Variants in GLCCI1 observed in about 807,000 individuals in gnomAD.
GLCCI1 encodes glucocorticoid induced 1.
Under a neutral mutation model 52.2 loss-of-function variants are expected in GLCCI1, and 24 were observed. The ratio of observed to expected loss-of-function variants is 0.46; its 90% CI spans 0.33 to 0.65. GLCCI1 has a LOEUF of 0.65. Among genes scored for constraint, GLCCI1 ranks in the 30% least tolerant of loss-of-function variants. The probability of loss-of-function intolerance (pLI) is 0.02; values close to 1 mark genes in which losing one functional copy is unlikely to be tolerated. For missense variants in GLCCI1, 704 were observed against 701.5 expected (o/e 1.00, Z -0.04); for synonymous variants, 310 against 276.5 (o/e 1.12, Z -1.20).
chr7:7,971,199 G>A (rs1220485460), intron 1 of GLCCI1, among the ~76,000 whole-genome samples: 1 of 152,096 alleles, frequency 6.6e-6, no homozygotes, highest in Non-Finnish European at 1.5e-5. Context: ...CCTCCCCCAG[G>A]TCAAGCCAGC....
intron 2 of GLCCI1, among the ~76,000 whole-genome samples, chr7:8,009,326 C>G (rs1044639411): frequency 1.3e-5 from 2 of 151,756 alleles, no homozygotes; most frequent in African/African-American, 4.9e-5. Context: ...GGTGTAGTCT[C>G]TGGACAAATT....
intron 1 of GLCCI1, chr7:7,980,512 CT>C: frequency 7.5e-6 from 3 of 397,384 alleles, no homozygotes; most frequent in Middle Eastern, 3.4e-4. Flanking sequence ...CAGTTATTGC[CT>C]TATTCACAGT....
intron 2 of GLCCI1, among the ~76,000 whole-genome samples, chr7:8,016,301 C>T (rs904795810): frequency 6.6e-6 from 1 of 152,110 alleles, no homozygotes; most frequent in South Asian, 2.1e-4. Flanking sequence ...AACCCCGTCT[C>T]TACTAAAAAT....
intron 6 of GLCCI1, among the ~76,000 whole-genome samples, chr7:8,080,706 T>G (rs575090894): frequency 1.3e-5 from 2 of 152,142 alleles, no homozygotes; most frequent in East Asian, 1.9e-4. Context: ...AGGCACTTAA[T>G]TTTTGAATGG....
At chr7:8,035,665 G>C (rs1364780146) in intron 3 of GLCCI1, among the ~76,000 whole-genome samples, 1 of 152,204 alleles carries the variant, frequency 6.6e-6, no homozygotes, top group Non-Finnish European at 1.5e-5. Context: ...TAGTTTGGCA[G>C]TAAGCTGTGA....
intron 5 of GLCCI1, among the ~76,000 whole-genome samples, chr7:8,067,326 A>G (rs1402175016): frequency 6.6e-6 from 1 of 152,070 alleles, no homozygotes; most frequent in East Asian, 1.9e-4. Context: ...TTGCTTCTTT[A>G]TGCAGCTTGC....
At chr7:8,082,128 A>C (rs555218933) in intron 6 of GLCCI1, among the ~76,000 whole-genome samples, 1 of 152,328 alleles carries the variant, frequency 6.6e-6, no homozygotes, top group South Asian at 2.1e-4. Flanking sequence ...ATTTATATTT[A>C]TAATGTTGTT....
intron 2 of GLCCI1, among the ~76,000 whole-genome samples, chr7:8,008,355 G>A (rs1466762533): frequency 6.7e-6 from 1 of 149,182 alleles, no homozygotes; most frequent in Non-Finnish European, 1.5e-5. Context: ...ATGTGATCTT[G>A]GCTCACTTCA....
chr7:8,022,431 T>C (rs932889689), intron 2 of GLCCI1, 52 bp from the exon 3 acceptor site: 11 of 1,010,180 alleles, frequency 1.1e-5, no homozygotes, highest in Non-Finnish European at 1.5e-5. Flanking sequence ...TGCTTGAGAT[T>C]AGGAAGTAGA....
chr7:8,061,545 G>T (rs1455465895), intron 5 of GLCCI1, among the ~76,000 whole-genome samples: 1 of 151,216 alleles, frequency 6.6e-6, no homozygotes, highest in East Asian at 1.9e-4. Context: ...CTCCCAAAAG[G>T]TTGTACTATT....
chr7:7,989,573 T>C (rs1780800639), intron 1 of GLCCI1, among the ~76,000 whole-genome samples: 1 of 152,124 alleles, frequency 6.6e-6, no homozygotes, highest in Non-Finnish European at 1.5e-5. Context: ...TACTTGAGGC[T>C]CTTCCCAAAA....
In GLCCI1 at chr7:7,969,829, T is replaced by A; in HGVS notation, c.457+22T>A. 7.0e-7 allele frequency: 1 copy of A among 1,420,828 alleles called. No homozygotes were observed. Among genetic ancestry groups the A allele is most frequent in the Non-Finnish European group, 9.2e-7 (1 of 1,084,892 alleles). The allele number at this position is 1,420,828 out of a possible 1,614,324, so 88.0% of individuals were successfully genotyped here. On this transcript the variant is annotated intron_variant, in intron 1 of 7. Transcript: ENST00000223145. This position sits in a 1 kb window ranked among gnomAD's most constrained non-coding sequence, Gnocchi z 4.9. ...AGAGGTAGCGAGCCCAACCCTCCCG[T>A]CCTCCCGGGCTGCGTCTCCCCGACG...
intron 2 of GLCCI1, among the ~76,000 whole-genome samples, chr7:8,012,679 T>C (rs1781294534): frequency 6.6e-6 from 1 of 151,816 alleles, no homozygotes; most frequent in Non-Finnish European, 1.5e-5. Flanking sequence ...TCTCCTGACC[T>C]TGTGATCCAC....
intron 4 of GLCCI1, among the ~76,000 whole-genome samples, chr7:8,057,041 A>C (rs1032467812): frequency 6.6e-6 from 1 of 152,232 alleles, no homozygotes; most frequent in Admixed American, 6.5e-5. Context: ...AAAAATACTG[A>C]CAATACCAAG....
At position 8,026,968 on chromosome 7, in the gene GLCCI1, C is replaced by T. The variant is rs116268666; in HGVS notation, c.696+4399C>T. On this transcript the variant is annotated intron_variant, in intron 3 of 7. Coordinates refer to ENST00000223145, the MANE Select transcript of GLCCI1 (RefSeq NM_138426.4). The stretch of plus-strand genomic sequence containing the variant: ...CTGAAAAAAACACAGTGTTATTGGG[C>T]TTGGGGCCCAAGTCTCTTTGAATAC... 7.1e-3 allele frequency among the ~76,000 whole-genome samples: 1,081 copies of T among 152,298 alleles called. 15 individuals carry two copies. The highest frequency in any genetic ancestry group is 0.025 in the African/African-American group (1,036 of 41,556).
intron 4 of GLCCI1, among the ~76,000 whole-genome samples, chr7:8,056,871 G>T (rs1393370758): frequency 6.6e-6 from 1 of 152,114 alleles, no homozygotes; most frequent in Non-Finnish European, 1.5e-5. Context: ...AAAAGTCAAG[G>T]ATGTCTATAA....
At chr7:7,995,644 T>G (rs538687339) in intron 1 of GLCCI1, among the ~76,000 whole-genome samples, 1 of 152,222 alleles carries the variant, frequency 6.6e-6, no homozygotes, top group Admixed American at 6.5e-5. Flanking sequence ...GGCAAACTAT[T>G]GCAAGGACAA....
At chr7:8,041,809 C>G (rs1233638916) in intron 3 of GLCCI1, among the ~76,000 whole-genome samples, 1 of 152,118 alleles carries the variant, frequency 6.6e-6, no homozygotes, top group Non-Finnish European at 1.5e-5. Flanking sequence ...CCAGACTGGT[C>G]TCGAACTCCT....
At chr7:8,075,154 G>A (rs1055325394) in intron 6 of GLCCI1, among the ~76,000 whole-genome samples, 23 of 152,156 alleles carry the variant, frequency 1.5e-4, no homozygotes, top group African/African-American at 5.1e-4. Context: ...AATGTGCATC[G>A]CACATTGGTT....
Sources: allele counts gnomAD v4.1 joint callset (sites outside exome capture counted in the v4.1 genomes callset), GRCh38; gene constraint gnomAD v4.1.1; non-coding constraint Gnocchi (gnomAD v3.1); transcripts MANE v1.5; gene names NCBI Gene and HGNC (gene_info 2026-07-23, HGNC 2026-07-21).